GRID2IP: variants seen among roughly 807,000 people sequenced by gnomAD.
GRID2IP encodes the protein delphilin.
A neutral mutation model predicts 114.3 loss-of-function variants in GRID2IP; 78 were observed. The ratio of observed to expected loss-of-function variants is 0.68; its 90% CI spans 0.57 to 0.82. The LOEUF is 0.82. Ranked by LOEUF, GRID2IP falls within the 40% of genes least tolerant of loss-of-function variation. The pLI, the probability that GRID2IP is intolerant of heterozygous loss-of-function variation, is 0.00. For missense variants in GRID2IP, 1,727 were observed against 1,678.5 expected, an observed-to-expected ratio of 1.03 and a Z score of -0.51; for synonymous variants, 809 against 724.0, an observed-to-expected ratio of 1.12 and a Z score of -1.89.
intron 1 of GRID2IP, 32 bp downstream of exon 1, chr7:6,550,976 T>TGCCCCCC: frequency 2.0e-6 from 2 of 1,015,786 alleles, no homozygotes; most frequent in Non-Finnish European, 2.5e-6. Context: ...GCCCCCTCCT[T>TGCCCCCC]CCCGCCCCCA....
chr7:6,499,046 T>C (rs545043304), intron 20 of GRID2IP, among the ~76,000 whole-genome samples: 1 of 152,326 alleles, frequency 6.6e-6, no homozygotes, highest in African/African-American at 2.4e-5. Flanking sequence ...AGTGGCTGAA[T>C]CGCTATCATT....
rs1362629346 is a variant in GRID2IP, at chr7:6,526,648, C to CGCTGCG, written c.700_705dup (p.Arg234_Ser235dup). ...ACCAGGAGGCGCTCCGGCCGCTCCTCGCTGCGGCTCCGGCGCAGTCGCTGC... is the reference window on the plus strand; with the variant it reads ...ACCAGGAGGCGCTCCGGCCGCTCCTCGCTGCGGCTGCGGCTCCGGCGCAGTCGCTGC... On this transcript the variant is annotated inframe_insertion, in exon 3 of 22. Transcript: ENST00000457091. This position sits in a 1 kb window ranked among gnomAD's most constrained non-coding sequence, Gnocchi z 7.6. The CGCTGCG allele has an allele frequency of 1.4e-5, 20 of 1,400,396 alleles. No individual in the cohort carries two copies. The Admixed American group carries it at 3.7e-4, about 26-fold the overall frequency. 86.7% of individuals were successfully genotyped at this position (1,400,396 alleles called of 1,614,324 possible).
In GRID2IP at chr7:6,509,054, G is replaced by A. The variant is rs1305065335; in HGVS notation, c.2031C>T (p.Arg677=). The part of the protein sequence containing the change: ...LFTFSHPVRS[R]DTDRFLDVLS... ...GCACGTCCAGGAAGCGGTCAGTATC[G>A]CGGCTTCGCACAGGGTGGGAGAAGG... is the stretch of plus-strand genomic sequence containing the variant. The change falls in exon 12 of 22, where the codon CGC becomes CGT. Residue 677 remains arginine (R), a synonymous_variant. Transcript: ENST00000457091. This position sits in a 1 kb window ranked among gnomAD's most constrained non-coding sequence, Gnocchi z 4.9. 5 of 1,540,114 alleles carry A rather than the reference G, an allele frequency of 3.2e-6. No individual in the cohort carries two copies. Among genetic ancestry groups the A allele is most frequent in the South Asian group, 1.2e-5 (1 of 83,192 alleles).
At position 6,510,927 on chromosome 7, in the gene GRID2IP, C is replaced by T. The variant is rs1779135824; in HGVS notation, c.1536G>A (p.Leu512=). The change falls in exon 9 of 22, where the codon CTG becomes CTA. Residue 512 remains leucine (L), a synonymous_variant. Transcript: ENST00000457091. ...MCRRSLRSQG[L]EAGLSCGPSE... ...CCTTACCGCAGCTGAGGCCGGCCTC[C>T]AGGCCCTGGGACCGGAGGCTGCGGC... 1 of 1,549,716 alleles carries T rather than the reference C, an allele frequency of 6.5e-7. No individual in the cohort carries two copies. The highest frequency in any genetic ancestry group is 8.7e-7 in the Non-Finnish European group (1 of 1,146,064).
At position 6,514,377 on chromosome 7, in the gene GRID2IP, G is replaced by C. The variant is rs1445708546; in HGVS notation, c.1421C>G (p.Thr474Arg). Residue 474 changes from threonine (T) to arginine (R), a missense_variant and splice_region_variant, in exon 8 of 22, where the codon ACA (threonine) becomes AGA (arginine). Coordinates refer to ENST00000457091, the MANE Select transcript of GRID2IP (RefSeq NM_001145118.2). Reference protein sequence around the residue: ...IACFLGYTAMTAEPEPELDLE... With the variant: ...IACFLGYTAMRAEPEPELDLE... ...GTGGCAGGGGAGAGGACGCTTACCT[G>C]TCATGGCCGTGTAGCCCAGGAAGCA... The C allele has an allele frequency of 5.9e-6, 9 of 1,516,616 alleles. No homozygotes were observed. The South Asian group carries it at 6.2e-5, about 10-fold the overall frequency. The allele number at this position is 1,516,616 out of a possible 1,614,324, so 93.9% of individuals were successfully genotyped here.
At chr7:6,549,035 T>A (rs1337705200) in intron 1 of GRID2IP, among the ~76,000 whole-genome samples, 2 of 152,086 alleles carry the variant, frequency 1.3e-5, no homozygotes, top group Non-Finnish European at 2.9e-5. Context: ...AATAAAGGCC[T>A]TAGGACCCCA....
At chr7:6,541,375 A>G (rs1319153231) in intron 1 of GRID2IP, among the ~76,000 whole-genome samples, 2 of 152,216 alleles carry the variant, frequency 1.3e-5, no homozygotes, top group African/African-American at 4.8e-5. Flanking sequence ...TTATTATAAT[A>G]CTACACTCCC....
Position 6,503,241 on chromosome 7 carries a change from G to C in GRID2IP, c.2908-78C>G, listed in dbSNP as rs1443784516. On this transcript the variant is annotated intron_variant, in intron 16 of 21. Coordinates refer to ENST00000457091, the MANE Select transcript of GRID2IP (RefSeq NM_001145118.2). The stretch of plus-strand genomic sequence containing the variant: ...CCCCACCGCAGGCTTTGGGGTGGGA[G>C]GGGGGGATCTGCTGGCTGCTTCGGC... 17 of 1,097,186 alleles carry C rather than the reference G, an allele frequency of 1.5e-5. No individual in the cohort carries two copies. The East Asian group carries it at 3.4e-4, about 22-fold the overall frequency. The allele number at this position is 1,097,186 out of a possible 1,614,324, so 68.0% of individuals were successfully genotyped here.
intron 20 of GRID2IP, 136 bp from the exon 21 acceptor site, chr7:6,498,364 A>G (rs1583329615): frequency 1.3e-6 from 1 of 770,598 alleles, no homozygotes; most frequent in Non-Finnish European, 2.0e-6. Flanking sequence ...CCTGTGTCCA[A>G]CAGGGAACCA....
At position 6,503,141 on chromosome 7, in the gene GRID2IP, T is replaced by A. The variant is rs1786465298; in HGVS notation, c.2930A>T (p.Lys977Met). 6.5e-7 allele frequency: 1 copy of A among 1,540,364 alleles called. No individual in the cohort carries two copies. The highest frequency in any genetic ancestry group is 8.8e-7 in the Non-Finnish European group (1 of 1,141,182). ...VLQMLSVPEY[K>M]TRLRSLHFQA... ...GAAGTGGAGGCTGCGCAGGCGTGTC[T>A]TGTATTCGGGAACTGACAGCATCTG... Residue 977 changes from lysine (K) to methionine (M), a missense_variant, in exon 17 of 22, where the codon AAG becomes ATG. Lys to Met is a moderately conservative substitution (Grantham distance 95). Transcript: ENST00000457091.
chr7:6,530,054 A>G (rs1164162202), intron 2 of GRID2IP, among the ~76,000 whole-genome samples: 29 of 147,760 alleles, frequency 2.0e-4, no homozygotes, highest in Non-Finnish European at 8.9e-5. Flanking sequence ...CGCCTCCAGG[A>G]TTCATGCCAT....
intron 8 of GRID2IP, among the ~76,000 whole-genome samples, chr7:6,513,886 T>C (rs1450522289): frequency 7.3e-6 from 1 of 137,844 alleles, no homozygotes; most frequent in African/African-American, 2.8e-5. Flanking sequence ...AGGTTGAGGC[T>C]GCGGTGAGCC....
intron 2 of GRID2IP, among the ~76,000 whole-genome samples, chr7:6,537,455 G>A (rs1433726013): frequency 2.5e-5 from 3 of 122,346 alleles, no homozygotes; most frequent in South Asian, 2.9e-4. Flanking sequence ...TCAGCTCACC[G>A]CAACCTCCCT....
At position 6,508,834 on chromosome 7, in the gene GRID2IP, T is replaced by G. The variant is rs1786673974; in HGVS notation, c.2127+124A>C. ...GGGTGGGATAGCTTGAGCTAGGGAG[T>G]GGGATAGCCTGGGGAAGATCCCAAG... On this transcript the variant is annotated intron_variant, in intron 12 of 21. Transcript: ENST00000457091. The surrounding 1 kb of genome is among the most constrained non-coding windows in gnomAD (Gnocchi z 5.6). The G allele has an allele frequency of 7.2e-7, 1 of 1,396,464 alleles. No homozygotes were observed. Among genetic ancestry groups the G allele is most frequent in the Non-Finnish European group, 9.4e-7 (1 of 1,059,524 alleles). 86.5% of individuals were successfully genotyped at this position (1,396,464 alleles called of 1,614,324 possible).
intron 2 of GRID2IP, among the ~76,000 whole-genome samples, chr7:6,530,060 G>C (rs1779588772): frequency 6.6e-6 from 1 of 151,406 alleles, no homozygotes; most frequent in African/African-American, 2.4e-5. Context: ...CAGGATTCAT[G>C]CCATTCTCCT....
chr7:6,542,767 G>T (rs1333214968), intron 1 of GRID2IP, among the ~76,000 whole-genome samples: 8 of 152,146 alleles, frequency 5.3e-5, no homozygotes, highest in African/African-American at 1.9e-4. Flanking sequence ...GTAGTGATGG[G>T]TGTTACAATC....
rs186760411 is a variant in GRID2IP, at chr7:6,536,043, G to C, written c.584+3675C>G. Among the ~76,000 whole-genome samples, 350 of 152,304 alleles carry C rather than the reference G, an allele frequency of 2.3e-3. 2 individuals carry two copies. Among genetic ancestry groups the C allele is most frequent in the African/African-American group, 8.2e-3 (343 of 41,580 alleles). On this transcript the variant is annotated intron_variant, in intron 2 of 21. Transcript: ENST00000457091. The surrounding 1 kb of genome is among the most constrained non-coding windows in gnomAD (Gnocchi z 5.3). ...GCACCCAACCCTGGGAATCACAGCTGCGTCTGTGGCTTCTCCATGCCCCCT... is the reference window on the plus strand; with the variant it reads ...GCACCCAACCCTGGGAATCACAGCTCCGTCTGTGGCTTCTCCATGCCCCCT...
In GRID2IP at chr7:6,526,256, T is replaced by C; in HGVS notation, c.887A>G (p.His296Arg). Residue 296 changes from histidine (H) to arginine (R), a missense_variant, in exon 4 of 22, where the codon CAC (histidine) becomes CGC (arginine). Coordinates refer to ENST00000457091, the MANE Select transcript of GRID2IP (RefSeq NM_001145118.2). This position sits in a 1 kb window ranked among gnomAD's most constrained non-coding sequence, Gnocchi z 7.6. Reference sequence around the variant, plus strand: ...GACAGACTCGATCCAGACAGGCCCGTGGCCGCGAAGTGTGAAGCCGAAGCT... The same window carrying C: ...GACAGACTCGATCCAGACAGGCCCGCGGCCGCGAAGTGTGAAGCCGAAGCT... ...NKSFGFTLRG[H>R]GPVWIESVLP... is the part of the protein sequence containing the mutation. 6.4e-7 allele frequency: 1 copy of C among 1,551,878 alleles called. No individual in the cohort carries two copies.
At chr7:6,504,992 G>A in intron 14 of GRID2IP, 122 bp from the exon 15 acceptor site, 2 of 759,682 alleles carry the variant, frequency 2.6e-6, no homozygotes, top group Non-Finnish European at 4.5e-6. Context: ...GACTTAATCA[G>A]CTACACGTCC....
Sources: gnomAD v4.1 joint callset for allele counts (sites outside exome capture counted in the v4.1 genomes callset) on GRCh38, gnomAD v4.1.1 for gene constraint, Gnocchi (gnomAD v3.1) non-coding constraint, MANE v1.5 for transcripts, NCBI Gene and HGNC (gene_info 2026-07-23, HGNC 2026-07-21) for gene names.